Variants in CEMIP observed in about 807,000 individuals in gnomAD.
CEMIP encodes the protein cell migration-inducing and hyaluronan-binding protein.
CEMIP carries 105 observed loss-of-function variants against 156.9 expected under a neutral mutation model. The observed-to-expected ratio is 0.67, with a 90% CI of 0.57 to 0.79. CEMIP has a LOEUF of 0.79. CEMIP is among the 30% of genes least tolerant of loss of function. The pLI is 0.00. For synonymous variants in CEMIP, 676 were observed against 668.4 expected, an observed-to-expected ratio of 1.01 and a Z score of -0.17; for missense variants, 1,457 against 1,769.4, an observed-to-expected ratio of 0.82 and a Z score of 3.17.
At chr15:80,827,444 C>G (rs1897061804) in intron 1 of CEMIP, among the ~76,000 whole-genome samples, 1 of 152,090 alleles carries the variant, frequency 6.6e-6, no homozygotes, top group Admixed American at 6.6e-5. Context: ...CATGGTGAAA[C>G]CCTGTCTCTA....
At chr15:80,783,462 T>A (rs775148344) in intron 1 of CEMIP, among the ~76,000 whole-genome samples, 7 of 152,182 alleles carry the variant, frequency 4.6e-5, no homozygotes, top group African/African-American at 1.7e-4. Flanking sequence ...TCAGTTTCCT[T>A]TGAACAGTGA....
chr15:80,831,852 C>T (rs541837510), intron 1 of CEMIP, among the ~76,000 whole-genome samples: 2 of 152,294 alleles, frequency 1.3e-5, no homozygotes, highest in African/African-American at 4.8e-5. Flanking sequence ...CCACTGGGCT[C>T]ATTCAAGGGC....
intron 1 of CEMIP, among the ~76,000 whole-genome samples, chr15:80,825,442 C>G (rs1028513222): frequency 1.3e-5 from 2 of 152,150 alleles, no homozygotes; most frequent in African/African-American, 4.8e-5. Flanking sequence ...CCCTTTCCCC[C>G]ACCCTCGGTG....
intron 1 of CEMIP, among the ~76,000 whole-genome samples, chr15:80,870,943 G>A (rs779837122): frequency 5.9e-5 from 9 of 152,148 alleles, no homozygotes; most frequent in African/African-American, 1.7e-4. Flanking sequence ...TGAGGACAGC[G>A]GTCAACCAGT....
At chr15:80,812,366 C>T (rs1896692310) in intron 1 of CEMIP, among the ~76,000 whole-genome samples, 1 of 152,192 alleles carries the variant, frequency 6.6e-6, no homozygotes, top group Non-Finnish European at 1.5e-5. Context: ...GACTCCTCTT[C>T]CCCTCTTGTT....
intron 1 of CEMIP, among the ~76,000 whole-genome samples, chr15:80,847,795 G>A (rs1393566907): frequency 6.6e-6 from 1 of 152,248 alleles, no homozygotes; most frequent in South Asian, 2.1e-4. Context: ...AGGGCGCTGT[G>A]GGTGGCAGGA....
Position 80,834,826 on chromosome 15 carries a change from T to C in CEMIP, c.-175-38712T>C, listed in dbSNP as rs988591253. On this transcript the variant is annotated intron_variant, in intron 1 of 29. Transcript: ENST00000394685. ...AAACATAGTGGCGTTTTGTTTGGGA[T>C]TCTCCCTATCAGTTTGGAAAAAAAA... 7.9e-5 allele frequency among the ~76,000 whole-genome samples: 12 copies of C among 152,330 alleles called. No individual in the cohort carries two copies. The East Asian group carries it at 2.3e-3, about 29-fold the overall frequency.
intron 1 of CEMIP, among the ~76,000 whole-genome samples, chr15:80,841,479 G>A (rs896074812): frequency 5.9e-5 from 9 of 152,174 alleles, no homozygotes; most frequent in South Asian, 2.1e-4. Context: ...CTTGGTTCCC[G>A]TCCACTCTGT....
chr15:80,872,286 C>T (rs920466941), intron 1 of CEMIP, among the ~76,000 whole-genome samples: 12 of 152,250 alleles, frequency 7.9e-5, no homozygotes, highest in African/African-American at 2.2e-4. Context: ...GGAGAAATTG[C>T]GGAGATGGCA....
chr15:80,782,114 G>T (rs1481008052), intron 1 of CEMIP, among the ~76,000 whole-genome samples: 1 of 152,198 alleles, frequency 6.6e-6, no homozygotes, highest in Non-Finnish European at 1.5e-5. Context: ...CTACTTGGAG[G>T]AAAGATAAAA....
intron 1 of CEMIP, among the ~76,000 whole-genome samples, chr15:80,781,722 G>A (rs541767029): frequency 1.3e-5 from 2 of 152,302 alleles, no homozygotes; most frequent in South Asian, 4.1e-4. Context: ...TTTTGTGCCT[G>A]TTTGCTGATA....
At chr15:80,842,782 C>A (rs1797678729) in intron 1 of CEMIP, among the ~76,000 whole-genome samples, 1 of 151,780 alleles carries the variant, frequency 6.6e-6, no homozygotes, top group Non-Finnish European at 1.5e-5. Flanking sequence ...GCCTGGAGTG[C>A]AGAAGACATC....
intron 1 of CEMIP, among the ~76,000 whole-genome samples, chr15:80,872,415 T>C (rs1898326472): frequency 6.6e-6 from 1 of 150,976 alleles, no homozygotes; most frequent in Non-Finnish European, 1.5e-5. Flanking sequence ...ATCTCACATC[T>C]TTTCCTTTAT....
At chr15:80,924,536 G>C in intron 17 of CEMIP, 85 bp from the exon 18 acceptor site, 1 of 1,162,868 alleles carries the variant, frequency 8.6e-7, no homozygotes, top group Non-Finnish European at 1.3e-6. Flanking sequence ...GGAGCATTCA[G>C]AAGTATGCAG....
chr15:80,786,016 G>A (rs972243326), intron 1 of CEMIP, among the ~76,000 whole-genome samples: 3 of 151,934 alleles, frequency 2.0e-5, no homozygotes, highest in Admixed American at 6.6e-5. Flanking sequence ...CTTTTTTTGC[G>A]ATAAAATCTT....
intron 28 of CEMIP, 40 bp downstream of exon 28, chr15:80,943,142 C>G (rs765308098): frequency 6.2e-7 from 1 of 1,611,000 alleles, no homozygotes; most frequent in East Asian, 2.2e-5. Flanking sequence ...GCTGCTGGCA[C>G]AGCAGACCCC....
At chr15:80,825,830 G>C (rs1897024051) in intron 1 of CEMIP, among the ~76,000 whole-genome samples, 1 of 152,158 alleles carries the variant, frequency 6.6e-6, no homozygotes, top group South Asian at 2.1e-4. Flanking sequence ...TCTGCAGATA[G>C]CTCTCCTGTG....
chr15:80,803,841 A>G (rs564571577), intron 1 of CEMIP, among the ~76,000 whole-genome samples: 3 of 152,346 alleles, frequency 2.0e-5, no homozygotes, highest in African/African-American at 4.8e-5. Flanking sequence ...TTGGACTGCA[A>G]TGATCCCATC....
At chr15:80,942,080 C>A (rs1420735628) in intron 26 of CEMIP, 27 bp downstream of exon 26, 18 of 1,605,460 alleles carry the variant, frequency 1.1e-5, no homozygotes, top group African/African-American at 4.0e-5. Flanking sequence ...AAAGCCTAGA[C>A]CCCTTTGCCG....
Sources: gnomAD v4.1 joint callset for allele counts (sites outside exome capture counted in the v4.1 genomes callset) on GRCh38, gnomAD v4.1.1 for gene constraint, MANE v1.5 for transcripts, NCBI Gene and HGNC (gene_info 2026-07-23, HGNC 2026-07-21) for gene names.